Variants in HACD2 observed in about 807,000 individuals in gnomAD.
The protein encoded by HACD2 is 3-hydroxyacyl-CoA dehydratase 2.
Under a neutral mutation model 31.0 loss-of-function variants are expected in HACD2, and 15 were observed. That is an observed-to-expected ratio of 0.48 (90% CI 0.32 to 0.75). The LOEUF (loss-of-function observed/expected upper bound fraction) is 0.75. Among genes scored for constraint, HACD2 ranks in the 30% least tolerant of loss-of-function variants. The pLI, the probability that HACD2 is intolerant of heterozygous loss-of-function variation, is 0.03. For missense variants in HACD2, 283 were observed against 313.0 expected (o/e 0.90, Z 0.72); for synonymous variants, 115 against 122.2 (o/e 0.94, Z 0.39).
At chr3:123,583,224 C>T (rs2056984603) in intron 1 of HACD2, among the ~76,000 whole-genome samples, 1 of 152,130 alleles carries the variant, frequency 6.6e-6, no homozygotes, top group Admixed American at 6.5e-5. Context: ...TTACTTTGCT[C>T]TCACAATCCC....
chr3:123,567,450 C>T lies in HACD2; in HGVS notation c.292+312G>A, dbSNP rs542303996. On this transcript the variant is annotated intron_variant, in intron 3 of 6. Coordinates refer to ENST00000383657, the MANE Select transcript of HACD2 (RefSeq NM_198402.5). ...AGGGCTTTTCAACACAGCCCAGCACCAGAACTCCAGCCACATTTTTACAAA... is the reference window on the plus strand; with the variant it reads ...AGGGCTTTTCAACACAGCCCAGCACTAGAACTCCAGCCACATTTTTACAAA... 2.6e-5 allele frequency among the ~76,000 whole-genome samples: 4 copies of T among 152,266 alleles called. No homozygotes were observed. The South Asian group carries it at 6.2e-4, about 24-fold the overall frequency.
chr3:123,517,287 T>A (rs1269223370), intron 4 of HACD2, among the ~76,000 whole-genome samples: 2 of 152,232 alleles, frequency 1.3e-5, no homozygotes, highest in African/African-American at 4.8e-5. Context: ...CTACCAACTC[T>A]GAGATGTCTA....
chr3:123,494,972 TGAAAA>T lies in HACD2; in HGVS notation c.683-7_683-3del. 1 of 1,545,920 alleles carries T rather than the reference TGAAAA, an allele frequency of 6.5e-7. No homozygotes were observed. The highest frequency in any genetic ancestry group is 8.8e-7 in the Non-Finnish European group (1 of 1,141,008). On this transcript the variant is annotated splice_region_variant and splice_polypyrimidine_tract_variant and intron_variant, in intron 6 of 6. Transcript: ENST00000383657. ...TGTGGAAGTATAACTGGGGAAAAACTGAAAAGAAAAGAAAAATTGGTTAAGAGGAT... is the reference window on the plus strand; with the variant it reads ...TGTGGAAGTATAACTGGGGAAAAACTGAAAAGAAAAATTGGTTAAGAGGAT...
intron 3 of HACD2, among the ~76,000 whole-genome samples, chr3:123,559,421 C>T (rs1400583139): frequency 3.3e-5 from 5 of 152,216 alleles, no homozygotes; most frequent in Admixed American, 1.3e-4. Context: ...AAACATCTAG[C>T]GTACCCTCCT....
intron 3 of HACD2, among the ~76,000 whole-genome samples, chr3:123,552,715 A>T (rs1262236381): frequency 1.3e-5 from 2 of 152,224 alleles, no homozygotes; most frequent in African/African-American, 4.8e-5. Context: ...TGTTTAATCA[A>T]TTCAAAAACT....
intron 3 of HACD2, among the ~76,000 whole-genome samples, chr3:123,533,113 C>T (rs1422281669): frequency 6.6e-6 from 1 of 152,138 alleles, no homozygotes; most frequent in East Asian, 1.9e-4. Flanking sequence ...TACCACAAAT[C>T]GTTGTAGAAT....
chr3:123,498,263 A>C (rs1258519060), intron 6 of HACD2, among the ~76,000 whole-genome samples: 1 of 152,220 alleles, frequency 6.6e-6, no homozygotes, highest in East Asian at 1.9e-4. Flanking sequence ...GGTCTACAAG[A>C]GGTTAGCTGC....
rs139102887 is a variant in HACD2, at chr3:123,553,449, A to G, written c.292+14313T>C. 4.4e-3 allele frequency among the ~76,000 whole-genome samples: 663 copies of G among 152,362 alleles called. 4 individuals carry two copies. The highest frequency in any genetic ancestry group is 0.015 in the African/African-American group (642 of 41,586). ...AACATGGATGGACTCAGAGAATACT[A>G]TGCCCACAGCCCTTCTTGGGAATCT... On this transcript the variant is annotated intron_variant, in intron 3 of 6. Coordinates refer to ENST00000383657, the MANE Select transcript of HACD2 (RefSeq NM_198402.5).
intron 3 of HACD2, among the ~76,000 whole-genome samples, chr3:123,555,581 A>C (rs901010874): frequency 6.6e-6 from 1 of 152,232 alleles, no homozygotes; most frequent in Non-Finnish European, 1.5e-5. Context: ...AAGAAATCAA[A>C]GATCTAAATA....
chr3:123,572,995 T>A (rs1441118548), intron 2 of HACD2, among the ~76,000 whole-genome samples: 1 of 152,172 alleles, frequency 6.6e-6, no homozygotes, highest in African/African-American at 2.4e-5. Flanking sequence ...AATAGAGATG[T>A]AGCTGCTAAG....
chr3:123,575,782 T>C (rs961179232), intron 2 of HACD2, among the ~76,000 whole-genome samples: 4 of 152,232 alleles, frequency 2.6e-5, no homozygotes, highest in Admixed American at 6.5e-5. Flanking sequence ...CAAGTTGTTT[T>C]TAACTATTAC....
Position 123,561,689 on chromosome 3 carries a change from C to G in HACD2, c.292+6073G>C, listed in dbSNP as rs530027481. ...CCACAATCTAATCTTGAAGACGACACAGAAAAGATATAACACTTCTTAATA... is the reference window on the plus strand; with the variant it reads ...CCACAATCTAATCTTGAAGACGACAGAGAAAAGATATAACACTTCTTAATA... On this transcript the variant is annotated intron_variant, in intron 3 of 6. Coordinates refer to ENST00000383657, the MANE Select transcript of HACD2 (RefSeq NM_198402.5). Among the ~76,000 whole-genome samples the G allele has an allele frequency of 3.1e-4, 47 of 151,798 alleles. No individual in the cohort carries two copies. In the South Asian group the frequency reaches 7.9e-3, roughly 25 times the overall value.
At chr3:123,505,017 C>G (rs1316806465) in intron 4 of HACD2, among the ~76,000 whole-genome samples, 1 of 152,194 alleles carries the variant, frequency 6.6e-6, no homozygotes, top group African/African-American at 2.4e-5. Flanking sequence ...GATGGATAAG[C>G]AAGATGTGGT....
At chr3:123,496,747 T>G (rs1181319721) in intron 6 of HACD2, among the ~76,000 whole-genome samples, 4 of 152,362 alleles carry the variant, frequency 2.6e-5, no homozygotes, top group African/African-American at 9.6e-5. Flanking sequence ...TCTATAGATT[T>G]ACTGTAATGA....
In HACD2 at chr3:123,530,533, C is replaced by T. The variant is rs1352743818; in HGVS notation, c.293-2059G>A. 3.3e-5 allele frequency among the ~76,000 whole-genome samples: 5 copies of T among 152,132 alleles called. No homozygotes were observed. The South Asian group carries it at 8.3e-4, about 25-fold the overall frequency. ...AAGGGGTTCTCCTGCCTCCGCCTCC[C>T]GAGTAGCTGGAGTTACAGGCATAAG... On this transcript the variant is annotated intron_variant, in intron 3 of 6. Coordinates refer to ENST00000383657, the MANE Select transcript of HACD2 (RefSeq NM_198402.5).
chr3:123,578,366 G>A (rs1370648237), intron 2 of HACD2, among the ~76,000 whole-genome samples: 15 of 152,148 alleles, frequency 9.9e-5, no homozygotes. Context: ...GAACTCCTGG[G>A]CACAAGTGAT....
rs1576235577 is a variant in HACD2, at chr3:123,567,655, C to A, written c.292+107G>T. 6.9e-6 allele frequency: 5 copies of A among 729,490 alleles called. No homozygotes were observed. In the East Asian group the frequency reaches 1.2e-4, roughly 18 times the overall value. 45.2% of individuals were successfully genotyped at this position (729,490 alleles called of 1,614,324 possible). A position where few individuals can be genotyped will look rare whatever the true frequency, so the allele number is the denominator to read the frequency against. ...GCAATTTCATACATGATGACTAAATCATTTCATTTTTTCAATATTTAACAG... is the reference window on the plus strand; with the variant it reads ...GCAATTTCATACATGATGACTAAATAATTTCATTTTTTCAATATTTAACAG... On this transcript the variant is annotated intron_variant, in intron 3 of 6. Coordinates refer to ENST00000383657, the MANE Select transcript of HACD2 (RefSeq NM_198402.5).
intron 3 of HACD2, among the ~76,000 whole-genome samples, chr3:123,542,872 G>A (rs1395677126): frequency 1.3e-5 from 2 of 152,184 alleles, no homozygotes; most frequent in African/African-American, 4.8e-5. Flanking sequence ...GCCAAGAATG[G>A]GCTAATATGA....
intron 4 of HACD2, among the ~76,000 whole-genome samples, chr3:123,526,258 G>A (rs1278067888): frequency 2.0e-5 from 3 of 152,224 alleles, no homozygotes; most frequent in Admixed American, 1.3e-4. Context: ...GTTAGCTGTC[G>A]AAGACGTAGG....
Sources: gnomAD v4.1 joint callset for allele counts (sites outside exome capture counted in the v4.1 genomes callset) on GRCh38, gnomAD v4.1.1 for gene constraint, MANE v1.5 for transcripts, NCBI Gene and HGNC (gene_info 2026-07-23, HGNC 2026-07-21) for gene names.